The following CLSTN2 variants were observed in gnomAD, a reference collection of about 807,000 sequenced individuals.
CLSTN2 encodes calsyntenin 2, also known as calsyntenin-2.
In CLSTN2, 48 loss-of-function variants were observed where a neutral mutation model predicts 101.2. The observed-to-expected ratio is 0.47, with a 90% CI of 0.38 to 0.60. CLSTN2 has a LOEUF of 0.60. Among genes scored for constraint, CLSTN2 ranks in the 20% least tolerant of loss-of-function variants. The pLI, the probability that CLSTN2 is intolerant of heterozygous loss-of-function variation, is 0.00. For synonymous variants in CLSTN2, 481 were observed against 463.6 expected, an observed-to-expected ratio of 1.04 and a Z score of -0.48; for missense variants, 1,160 against 1,238.2, an observed-to-expected ratio of 0.94 and a Z score of 0.95.
intron 4 of CLSTN2, among the ~76,000 whole-genome samples, chr3:140,420,801 C>T (rs868671612): frequency 3.3e-5 from 5 of 152,216 alleles, no homozygotes; most frequent in South Asian, 2.1e-4. Context: ...CACAATCACA[C>T]GGCTGTACTT....
chr3:140,028,615 GCAAGAATGGGCTGAGTGCCAGCCA>G (rs778510697), intron 1 of CLSTN2, among the ~76,000 whole-genome samples: 3 of 152,202 alleles, frequency 2.0e-5, no homozygotes, highest in Admixed American at 6.5e-5. Flanking sequence ...TGAAAGAATT[GCAAGAATGGGCTGAGTGCCAGCCA>G]CAACAAATGA....
intron 1 of CLSTN2, among the ~76,000 whole-genome samples, chr3:140,088,836 A>G (rs913876971): frequency 2.0e-5 from 3 of 152,244 alleles, no homozygotes; most frequent in Admixed American, 6.5e-5. Context: ...ACAGAATTTC[A>G]TAGTATCTGT....
At chr3:140,075,678 A>G (rs754235688) in intron 1 of CLSTN2, among the ~76,000 whole-genome samples, 5 of 152,160 alleles carry the variant, frequency 3.3e-5, no homozygotes, top group Non-Finnish European at 7.4e-5. Context: ...TCAAGAAGCT[A>G]TTATGTGTGA....
intron 1 of CLSTN2, among the ~76,000 whole-genome samples, chr3:139,988,824 G>A (rs544318175): frequency 6.6e-6 from 1 of 152,276 alleles, no homozygotes; most frequent in South Asian, 2.1e-4. Context: ...GATCCTGCCT[G>A]GTTTTAGAAA....
At chr3:140,532,225 G>A in intron 8 of CLSTN2, 99 bp from the exon 9 acceptor site, 2 of 947,068 alleles carry the variant, frequency 2.1e-6, no homozygotes, top group African/African-American at 1.6e-5. Flanking sequence ...AAAAATTGTT[G>A]ACCCAAAAAT....
At chr3:140,181,172 C>T (rs1559800166) in intron 2 of CLSTN2, among the ~76,000 whole-genome samples, 1 of 152,178 alleles carries the variant, frequency 6.6e-6, no homozygotes, top group African/African-American at 2.4e-5. Flanking sequence ...CTCTGAGGGA[C>T]AGTTTCCTTA....
chr3:140,254,579 CAG>C (rs1243720802), intron 2 of CLSTN2, among the ~76,000 whole-genome samples: 1 of 152,114 alleles, frequency 6.6e-6, no homozygotes, highest in Non-Finnish European at 1.5e-5. Context: ...TGAGGAAGGA[CAG>C]AGACCATTAT....
intron 1 of CLSTN2, among the ~76,000 whole-genome samples, chr3:139,971,343 G>A (rs1461254870): frequency 6.6e-6 from 1 of 152,220 alleles, no homozygotes; most frequent in Non-Finnish European, 1.5e-5. Flanking sequence ...ATTTGAGCCT[G>A]AGGCTGTTGT....
intron 2 of CLSTN2, among the ~76,000 whole-genome samples, chr3:140,345,007 T>G (rs1489619139): frequency 6.6e-6 from 1 of 152,170 alleles, no homozygotes; most frequent in Non-Finnish European, 1.5e-5. Flanking sequence ...TGGGCACATC[T>G]GAGTGTATCC....
chr3:140,096,814 A>G (rs1475179668), intron 1 of CLSTN2, among the ~76,000 whole-genome samples: 2 of 152,218 alleles, frequency 1.3e-5, no homozygotes, highest in Non-Finnish European at 2.9e-5. Flanking sequence ...GCTGTGGGGA[A>G]GAAAAGATAA....
intron 1 of CLSTN2, among the ~76,000 whole-genome samples, chr3:140,037,618 G>C (rs67276954): frequency 0.057 from 8,614 of 151,406 alleles, 321 homozygotes; most frequent in Non-Finnish European, 0.079. Flanking sequence ...CACGTGCCAT[G>C]GTGGTTTGCT....
At chr3:140,499,943 C>A (rs937178851) in intron 8 of CLSTN2, among the ~76,000 whole-genome samples, 17 of 151,876 alleles carry the variant, frequency 1.1e-4, no homozygotes, top group African/African-American at 4.1e-4. Flanking sequence ...GGCGGGAGCC[C>A]GTAGTCCCAG....
At chr3:140,368,215 G>A (rs1008080511) in intron 2 of CLSTN2, among the ~76,000 whole-genome samples, 1 of 152,144 alleles carries the variant, frequency 6.6e-6, no homozygotes, top group Non-Finnish European at 1.5e-5. Flanking sequence ...AGGACTAGTG[G>A]CAAGTTTTAT....
At chr3:140,103,858 A>C (rs991445917) in intron 1 of CLSTN2, among the ~76,000 whole-genome samples, 4 of 152,226 alleles carry the variant, frequency 2.6e-5, no homozygotes, top group African/African-American at 9.6e-5. Flanking sequence ...ACACATAAAA[A>C]AGGGATTTGC....
At chr3:140,516,957 A>G (rs561088703) in intron 8 of CLSTN2, among the ~76,000 whole-genome samples, 20 of 152,232 alleles carry the variant, frequency 1.3e-4, no homozygotes, top group African/African-American at 4.3e-4. Flanking sequence ...TTCCTCCTCA[A>G]GAACATCAAC....
At chr3:140,397,433 A>G (rs946077673) in intron 2 of CLSTN2, among the ~76,000 whole-genome samples, 4 of 152,248 alleles carry the variant, frequency 2.6e-5, no homozygotes, top group African/African-American at 7.2e-5. Flanking sequence ...CTGAAATTGC[A>G]TTAAATTTAT....
At chr3:139,984,896 C>A (rs560326220) in intron 1 of CLSTN2, among the ~76,000 whole-genome samples, 18 of 152,312 alleles carry the variant, frequency 1.2e-4, no homozygotes, top group African/African-American at 4.3e-4. Flanking sequence ...TCCCCACTGC[C>A]AATCCTCAGC....
At chr3:140,132,189 A>T (rs1018373946) in intron 1 of CLSTN2, among the ~76,000 whole-genome samples, 1 of 152,182 alleles carries the variant, frequency 6.6e-6, no homozygotes, top group Non-Finnish European at 1.5e-5. Context: ...AGGAGGAAAA[A>T]GTGTAAAAGA....
chr3:140,445,546 T>C (rs1933057726), intron 5 of CLSTN2, among the ~76,000 whole-genome samples: 1 of 152,140 alleles, frequency 6.6e-6, no homozygotes, highest in Admixed American at 6.5e-5. Flanking sequence ...ACAAAACTGC[T>C]TTCTCCATTT....
Sources: gnomAD v4.1 joint callset for allele counts (sites outside exome capture counted in the v4.1 genomes callset) on GRCh38, gnomAD v4.1.1 for gene constraint, MANE v1.5 for transcripts, NCBI Gene and HGNC (gene_info 2026-07-23, HGNC 2026-07-21) for gene names.